The following COG6 variants were observed in gnomAD, a reference collection of about 807,000 sequenced individuals.
COG6 encodes the protein conserved oligomeric Golgi complex subunit 6.
Under a neutral mutation model 88.8 loss-of-function variants are expected in COG6, and 74 were observed. The ratio of observed to expected loss-of-function variants is 0.83; its 90% CI spans 0.69 to 1.01. The LOEUF is 1.01. Among genes scored for constraint, COG6 ranks in the 50% least tolerant of loss-of-function variants. The pLI is 0.00. For missense variants in COG6, 800 were observed against 797.9 expected (o/e 1.00, Z -0.03); for synonymous variants, 286 against 278.7 (o/e 1.03, Z -0.26).
chr13:39,782,339 A>G (rs894843328), intron 18 of COG6, among the ~76,000 whole-genome samples: 1 of 152,246 alleles, frequency 6.6e-6, no homozygotes, highest in Non-Finnish European at 1.5e-5. Context: ...GACAACAGGT[A>G]GCTTAAGATA....
At chr13:39,727,821 A>G (rs1879219342) in intron 18 of COG6, among the ~76,000 whole-genome samples, 1 of 152,150 alleles carries the variant, frequency 6.6e-6, no homozygotes, top group Non-Finnish European at 1.5e-5. Flanking sequence ...CTGTAATACC[A>G]AATTCCCTTA....
chr13:39,781,086 C>A (rs1881614656), intron 18 of COG6, among the ~76,000 whole-genome samples: 1 of 152,138 alleles, frequency 6.6e-6, no homozygotes. Context: ...TTTCACAACT[C>A]CTCTCCCCTT....
At chr13:39,738,045 T>C (rs1043193906) in intron 18 of COG6, among the ~76,000 whole-genome samples, 1 of 152,186 alleles carries the variant, frequency 6.6e-6, no homozygotes, top group Non-Finnish European at 1.5e-5. Context: ...AGGGGAAGGA[T>C]GGTGTAGGCA....
chr13:39,666,254 A>G (rs1344413148), intron 4 of COG6, among the ~76,000 whole-genome samples: 2 of 152,190 alleles, frequency 1.3e-5, no homozygotes, highest in African/African-American at 4.8e-5. Context: ...TAGTTTGGGT[A>G]GCTGGGCATG....
chr13:39,722,998 C>T (rs1333144416), intron 15 of COG6, among the ~76,000 whole-genome samples: 10 of 151,900 alleles, frequency 6.6e-5, no homozygotes, highest in African/African-American at 2.4e-4. Flanking sequence ...AACATCAGGC[C>T]CTTATCTCGG....
intron 12 of COG6, among the ~76,000 whole-genome samples, 191 bp downstream of exon 12, chr13:39,694,916 T>C (rs934627874): frequency 1.3e-5 from 2 of 150,754 alleles, no homozygotes; most frequent in Non-Finnish European, 3.0e-5. Context: ...TTAAGGTCTA[T>C]TATTTCCTTT....
Position 39,679,895 on chromosome 13 carries a change from T to TAATATGC in COG6, c.624-77_624-71dup, listed in dbSNP as rs1376807974. 1.4e-3 allele frequency: 1,070 copies of TAATATGC among 775,472 alleles called. 11 individuals are homozygous for TAATATGC. The highest frequency in any genetic ancestry group is 1.8e-4 in the Non-Finnish European group (82 of 444,270). 48.0% of individuals were successfully genotyped at this position (775,472 alleles called of 1,614,324 possible). A position where few individuals can be genotyped will look rare whatever the true frequency, so the allele number is the denominator to read the frequency against. On this transcript the variant is annotated intron_variant, in intron 6 of 18. Transcript: ENST00000455146. The stretch of plus-strand genomic sequence containing the variant: ...TAAAAAGTTAATATGCTGTAATATG[T>TAATATGC]AATATGCAAACAAAATAATTAGGTG...
In COG6 at chr13:39,723,273, G is replaced by A. The variant is rs1165670325; in HGVS notation, c.1585-60G>A. The A allele has an allele frequency of 8.7e-6, 9 of 1,038,862 alleles. No homozygotes were observed. The East Asian group carries it at 1.4e-4, about 17-fold the overall frequency. The allele number at this position is 1,038,862 out of a possible 1,614,324, so 64.4% of individuals were successfully genotyped here. A position where few individuals can be genotyped will look rare whatever the true frequency, so the allele number is the denominator to read the frequency against. On this transcript the variant is annotated intron_variant, in intron 15 of 18. Coordinates refer to ENST00000455146, the MANE Select transcript of COG6 (RefSeq NM_020751.3). ...ATCATCAGTGCCAATGCAAGGCACT[G>A]CATCTACTCTCATCAGTGTCATTCT...
intron 3 of COG6, among the ~76,000 whole-genome samples, chr13:39,663,690 G>T (rs1257421299): frequency 1.3e-5 from 2 of 152,032 alleles, no homozygotes; most frequent in Non-Finnish European, 2.9e-5. Context: ...TTTGTGACCA[G>T]CCTGGGCAAC....
intron 18 of COG6, among the ~76,000 whole-genome samples, chr13:39,759,843 G>C: frequency 6.6e-6 from 1 of 152,078 alleles, no homozygotes; most frequent in South Asian, 2.1e-4. Flanking sequence ...ATGGTACTAA[G>C]CTTACAAAAA....
intron 14 of COG6, 59 bp from the exon 15 acceptor site, chr13:39,719,601 A>G (rs371217072): frequency 1.3e-6 from 2 of 1,496,314 alleles, no homozygotes; most frequent in Non-Finnish European, 1.9e-6. Flanking sequence ...AAATATCATT[A>G]ACCCAAGACC....
intron 8 of COG6, among the ~76,000 whole-genome samples, chr13:39,685,393 C>T (rs186009820): frequency 4.1e-4 from 62 of 152,066 alleles, no homozygotes; most frequent in African/African-American, 1.4e-3. Flanking sequence ...TATATTTGTT[C>T]TATAGGAGGA....
intron 18 of COG6, among the ~76,000 whole-genome samples, chr13:39,732,146 A>G (rs1160965319): frequency 2.6e-5 from 4 of 152,146 alleles, no homozygotes; most frequent in Non-Finnish European, 1.5e-5. Context: ...CCTCACAGAC[A>G]CACCCGGAAA....
intron 13 of COG6, among the ~76,000 whole-genome samples, chr13:39,700,384 C>T (rs1482465146): frequency 6.6e-6 from 1 of 151,800 alleles, no homozygotes; most frequent in Non-Finnish European, 1.5e-5. Flanking sequence ...TAAGTTCAGT[C>T]TTCACTTTCC....
At chr13:39,662,268 A>G (rs921988926) in intron 3 of COG6, among the ~76,000 whole-genome samples, 2 of 151,362 alleles carry the variant, frequency 1.3e-5, no homozygotes, top group African/African-American at 4.9e-5. Flanking sequence ...CTAGGATTAC[A>G]GGCGCCTGAC....
chr13:39,774,384 A>T (rs914539077), intron 18 of COG6, among the ~76,000 whole-genome samples: 1 of 152,164 alleles, frequency 6.6e-6, no homozygotes, highest in Non-Finnish European at 1.5e-5. Flanking sequence ...TATATTTAGT[A>T]TTTGTTACAA....
chr13:39,687,381 G>A (rs778473808), intron 8 of COG6, 122 bp from the exon 9 acceptor site: 9 of 851,204 alleles, frequency 1.1e-5, no homozygotes, highest in African/African-American at 3.4e-5. Context: ...TTGCTTGACC[G>A]AATATCTAAA....
At chr13:39,656,277 T>C (rs1874489429) in intron 1 of COG6, 1 of 447,974 alleles carries the variant, frequency 2.2e-6, no homozygotes, top group Non-Finnish European at 4.5e-6. Context: ...CAAGATAAGG[T>C]AGCGCAAATG....
Position 39,677,511 on chromosome 13 carries a change from T to C in COG6, c.472T>C (p.Ser158Pro). ...AGCTCAAGTTGCAGATGCCTTCTTA[T>C]CCAAGTTCCAACTGACTTCTGATGA... The part of the protein sequence containing the change: ...IRAQVADAFL[S>P]KFQLTSDEMS... Residue 158 changes from serine to proline, a missense_variant, in exon 5 of 19, where the codon TCC becomes CCC. Ser to Pro is a moderately conservative substitution (Grantham distance 74). Transcript: ENST00000455146. 1.2e-6 allele frequency: 2 copies of C among 1,613,622 alleles called. No individual in the cohort carries two copies. Among genetic ancestry groups the C allele is most frequent in the Non-Finnish European group, 1.7e-6 (2 of 1,179,680 alleles).
Sources: gnomAD v4.1 joint callset for allele counts (sites outside exome capture counted in the v4.1 genomes callset) on GRCh38, gnomAD v4.1.1 for gene constraint, MANE v1.5 for transcripts, NCBI Gene and HGNC (gene_info 2026-07-23, HGNC 2026-07-21) for gene names.